The following L2HGDH variants were observed in gnomAD, a reference collection of about 807,000 sequenced individuals.
The protein encoded by L2HGDH is L-2-hydroxyglutarate dehydrogenase, mitochondrial.
In L2HGDH, 34 loss-of-function variants were observed where a neutral mutation model predicts 51.5. That is an observed-to-expected ratio of 0.66 (90% CI 0.50 to 0.88). The LOEUF is 0.88. Ranked by LOEUF, L2HGDH falls within the 40% of genes least tolerant of loss-of-function variation. The pLI is 0.00. For synonymous variants in L2HGDH, 198 were observed against 197.9 expected, an observed-to-expected ratio of 1.00 and a Z score of -0.01; for missense variants, 558 against 571.9, an observed-to-expected ratio of 0.98 and a Z score of 0.25.
rs1465333718 is a variant in L2HGDH, at chr14:50,273,444, A to G, written c.739-4114T>C. On this transcript the variant is annotated intron_variant, in intron 6 of 9. Transcript: ENST00000267436. ...GGACTCCTTTTTTACACCATTCACA[A>G]AAATTAACTTGAACTGGATTAAATA... is the stretch of plus-strand genomic sequence containing the variant. Among the ~76,000 whole-genome samples the G allele has an allele frequency of 3.9e-5, 6 of 152,200 alleles. No individual in the cohort carries two copies. The East Asian group carries it at 1.2e-3, about 29-fold the overall frequency.
chr14:50,303,048 C>A, intron 1 of L2HGDH, 31 bp from the exon 2 acceptor site: 1 of 1,386,786 alleles, frequency 7.2e-7, no homozygotes, highest in Non-Finnish European at 1.0e-6. Context: ...TAAAGTAATT[C>A]ATATTTACAG....
At chr14:50,287,626 G>GC (rs1022726216) in intron 4 of L2HGDH, among the ~76,000 whole-genome samples, 1 of 132,688 alleles carries the variant, frequency 7.5e-6, no homozygotes, top group African/African-American at 2.8e-5. Flanking sequence ...ATCAATGAAA[G>GC]TTTTTTTTTA....
intron 9 of L2HGDH, among the ~76,000 whole-genome samples, chr14:50,257,307 T>G (rs8017193): frequency 6.6e-6 from 1 of 152,144 alleles, no homozygotes. Flanking sequence ...CCTTCCAATT[T>G]GATAATTTCC....
At chr14:50,251,585 CCAA>C (rs1326792874) in intron 9 of L2HGDH, among the ~76,000 whole-genome samples, 2 of 151,842 alleles carry the variant, frequency 1.3e-5, no homozygotes, top group African/African-American at 4.8e-5. Flanking sequence ...AATCAAACTC[CCAA>C]AGGTCAAGGA....
intron 6 of L2HGDH, among the ~76,000 whole-genome samples, chr14:50,271,858 T>C (rs1889711004): frequency 1.3e-5 from 2 of 150,854 alleles, no homozygotes; most frequent in African/African-American, 2.4e-5. Flanking sequence ...TAAAAATCCC[T>C]GGCCAGGCGC....
Position 50,275,231 on chromosome 14 carries a change from T to C in L2HGDH, c.738+3289A>G, listed in dbSNP as rs545428919. Among the ~76,000 whole-genome samples the C allele has an allele frequency of 2.6e-5, 4 of 152,204 alleles. No individual in the cohort carries two copies. The East Asian group carries it at 5.8e-4, about 22-fold the overall frequency. ...AATGTAAACATAGAACTGGAAAACA[T>C]AGTTATGGTAGCAAGGATGGAGGTG... On this transcript the variant is annotated intron_variant, in intron 6 of 9. Transcript: ENST00000267436.
chr14:50,269,344 A>G lies in L2HGDH; in HGVS notation c.739-14T>C. On this transcript the variant is annotated splice_polypyrimidine_tract_variant and intron_variant, in intron 6 of 9. Transcript: ENST00000267436. The stretch of plus-strand genomic sequence containing the variant: ...AATTTCCTCTCCCTAGTGCAAAATA[A>G]AAGAACAGTTATTTGTATAAAGTGG... The G allele has an allele frequency of 6.2e-7, 1 of 1,613,184 alleles. No individual in the cohort carries two copies. Among genetic ancestry groups the G allele is most frequent in the East Asian group, 2.2e-5 (1 of 44,864 alleles).
At chr14:50,294,035 T>C in intron 4 of L2HGDH, 80 bp downstream of exon 4, 1 of 1,485,974 alleles carries the variant, frequency 6.7e-7, no homozygotes, top group Non-Finnish European at 9.4e-7. Context: ...ATATTATTCC[T>C]GCCTCCTATA....
chr14:50,253,379 G>A (rs1044619470), intron 9 of L2HGDH, among the ~76,000 whole-genome samples: 1 of 152,092 alleles, frequency 6.6e-6, no homozygotes, highest in Non-Finnish European at 1.5e-5. Flanking sequence ...CAAAATATCT[G>A]AATAGACATT....
Position 50,302,009 on chromosome 14 carries a change from T to C in L2HGDH, c.408+8A>G, listed in dbSNP as rs764543668. On this transcript the variant is annotated splice_region_variant and intron_variant, in intron 3 of 9. Transcript: ENST00000267436. ...GAAATTAGTCAAGGCTCTAATAAAA[T>C]GCCATACCTTGCCACACTGCTTGTA... 1.9e-6 allele frequency: 3 copies of C among 1,614,002 alleles called. No homozygotes were observed. In the South Asian group the frequency reaches 3.3e-5, roughly 18 times the overall value.
intron 4 of L2HGDH, among the ~76,000 whole-genome samples, chr14:50,286,376 A>T (rs961810802): frequency 6.6e-6 from 1 of 152,118 alleles, no homozygotes; most frequent in Non-Finnish European, 1.5e-5. Context: ...AAAAAGAGTT[A>T]TCCTCCCAAG....
chr14:50,278,442 C>T (rs1343798140), intron 6 of L2HGDH, 78 bp downstream of exon 6: 2 of 879,762 alleles, frequency 2.3e-6, no homozygotes, highest in East Asian at 2.6e-5. Context: ...ACTTAAAATA[C>T]AGCCCTGTGG....
In L2HGDH at chr14:50,245,206, G is replaced by A; in HGVS notation, c.*1852C>T. ...GAGCCCTGAAAAATCAAGTACGTAT[G>A]AATCATTACCAATCTTGGCCAACAT... On this transcript the variant is annotated 3_prime_UTR_variant, in exon 10 of 10. Coordinates refer to ENST00000267436, the MANE Select transcript of L2HGDH (RefSeq NM_024884.3). 1.0e-6 allele frequency: 1 copy of A among 985,218 alleles called. No individual in the cohort carries two copies. 61.0% of individuals were successfully genotyped at this position (985,218 alleles called of 1,614,324 possible). A position where few individuals can be genotyped will look rare whatever the true frequency, so the allele number is the denominator to read the frequency against.
chr14:50,288,783 TTC>T (rs1182357625), intron 4 of L2HGDH, among the ~76,000 whole-genome samples: 5 of 152,152 alleles, frequency 3.3e-5, no homozygotes, highest in Non-Finnish European at 7.4e-5. Flanking sequence ...CTGCTTTTTG[TTC>T]TCTGTTTCTG....
At chr14:50,255,373 A>G (rs1888598997) in intron 9 of L2HGDH, among the ~76,000 whole-genome samples, 1 of 151,768 alleles carries the variant, frequency 6.6e-6, no homozygotes, top group Admixed American at 6.6e-5. Context: ...CGTCTCTACT[A>G]AAAATACAAA....
chr14:50,289,499 C>G (rs1434573456), intron 4 of L2HGDH, among the ~76,000 whole-genome samples: 1 of 152,022 alleles, frequency 6.6e-6, no homozygotes, highest in African/African-American at 2.4e-5. Flanking sequence ...ATCTAATTAG[C>G]TTTATTAGAA....
chr14:50,269,134 A>T (rs1262794215), intron 7 of L2HGDH, 29 bp downstream of exon 7: 1 of 1,608,080 alleles, frequency 6.2e-7, no homozygotes, highest in Admixed American at 1.7e-5. Flanking sequence ...GCTTGAAAAA[A>T]ATGAGAAGTA....
rs190103238 is a variant in L2HGDH at position 50,298,379 on chromosome 14, G to C, written c.408+3638C>G. ...TGCCCAGGCTGGAGTGCAATGGCGC[G>C]ATCTCAGCTCACTACAACCTCTGCC... On this transcript the variant is annotated intron_variant, in intron 3 of 9. Transcript: ENST00000267436. 4.1e-3 allele frequency among the ~76,000 whole-genome samples: 624 copies of C among 151,300 alleles called. 20 individuals carry two copies. In the East Asian group the frequency reaches 0.075, roughly 18 times the overall value.
intron 8 of L2HGDH, among the ~76,000 whole-genome samples, 200 bp from the exon 9 acceptor site, chr14:50,265,689 G>A (rs563253057): frequency 2.6e-5 from 4 of 152,276 alleles, no homozygotes; most frequent in Admixed American, 1.3e-4. Context: ...CAAGGCGGGC[G>A]GAATACTTGA....
Sources: gnomAD v4.1 joint callset for allele counts (sites outside exome capture counted in the v4.1 genomes callset) on GRCh38, gnomAD v4.1.1 for gene constraint, MANE v1.5 for transcripts, NCBI Gene and HGNC (gene_info 2026-07-23, HGNC 2026-07-21) for gene names.